PAPLN: variants seen among roughly 807,000 people sequenced by gnomAD.
PAPLN encodes papilin, proteoglycan like sulfated glycoprotein, also known as papilin.
Under a neutral mutation model 159.0 loss-of-function variants are expected in PAPLN, and 146 were observed. The ratio of observed to expected loss-of-function variants is 0.92; its 90% CI spans 0.80 to 1.05. The LOEUF (loss-of-function observed/expected upper bound fraction) is 1.05, where lower values mean the gene tolerates loss of function less well. PAPLN is among the 50% of genes least tolerant of loss of function. The pLI, the probability that PAPLN is intolerant of heterozygous loss-of-function variation, is 0.00. For synonymous variants in PAPLN, 734 were observed against 702.9 expected (o/e 1.04, Z -0.70); for missense variants, 1,720 against 1,743.9 (o/e 0.99, Z 0.24).
At chr14:73,271,535 T>A (rs1387333320) in intron 26 of PAPLN, among the ~76,000 whole-genome samples, 2 of 151,564 alleles carry the variant, frequency 1.3e-5, no homozygotes, top group African/African-American at 4.9e-5. Flanking sequence ...AGAATCTTGC[T>A]CTGTCACCCA....
intron 13 of PAPLN, 28 bp from the exon 14 acceptor site, chr14:73,254,847 ATC>A (rs745903346): frequency 3.1e-4 from 491 of 1,606,386 alleles, no homozygotes; most frequent in Non-Finnish European, 3.8e-4. Flanking sequence ...CGCCCTCAGC[ATC>A]TCTCTCTCTC....
At position 73,264,635 on chromosome 14, in the gene PAPLN, C is replaced by G; in HGVS notation, c.3034C>G (p.Gln1012Glu). 1.2e-6 allele frequency: 2 copies of G among 1,603,644 alleles called. No homozygotes were observed. Among genetic ancestry groups the G allele is most frequent in the Non-Finnish European group, 1.7e-6 (2 of 1,177,450 alleles). Residue 1012 changes from glutamine to glutamate, a missense_variant, in exon 22 of 27, where the codon CAG becomes GAG. By Grantham distance (29) the Gln-to-Glu change is conservative. Transcript: ENST00000644200. ...TGAGGCTGAGCTGAGCCGCTTCCCTCAGCCCAGGGACCCAGCTCAGGACTT... is the reference window on the plus strand; with the variant it reads ...TGAGGCTGAGCTGAGCCGCTTCCCTGAGCCCAGGGACCCAGCTCAGGACTT... ...LSEAELSRFP[Q>E]PRDPAQDFGQ...
In PAPLN at chr14:73,245,923, T is replaced by G. The variant is rs1280454787; in HGVS notation, c.232-150T>G. Reference sequence around the variant, plus strand: ...CACCATGGAGGGGCACGCACAGGAGTTCGGGGGTCCGGGGGGCGGACTCCA... The same window carrying G: ...CACCATGGAGGGGCACGCACAGGAGGTCGGGGGTCCGGGGGGCGGACTCCA... On this transcript the variant is annotated intron_variant, in intron 4 of 26. Coordinates refer to ENST00000644200, the MANE Select transcript of PAPLN (RefSeq NM_001365906.3). This position sits in a 1 kb window ranked among gnomAD's most constrained non-coding sequence, Gnocchi z 4.2. 1 of 902,490 alleles carries G rather than the reference T, an allele frequency of 1.1e-6. No individual in the cohort carries two copies. Among genetic ancestry groups the G allele is most frequent in the East Asian group, 2.8e-5 (1 of 36,036 alleles). The allele number at this position is 902,490 out of a possible 1,614,324, so 55.9% of individuals were successfully genotyped here.
chr14:73,268,721 C>G lies in PAPLN; in HGVS notation c.3665C>G (p.Pro1222Arg). 6.2e-7 allele frequency: 1 copy of G among 1,609,128 alleles called. No individual in the cohort carries two copies. The highest frequency in any genetic ancestry group is 1.1e-5 in the South Asian group (1 of 90,300). Residue 1222 changes from proline to arginine, a missense_variant and splice_region_variant, in exon 26 of 27, where the codon CCA (proline) becomes CGA (arginine). Transcript: ENST00000644200. ...AGCACCGAGGTGAAGGTGGTCTCAC[C>G]AGGTAGGAAAGGTCTATATCCGGGG... Reference protein sequence around the residue: ...SRSTEVKVVSPAPTAQPRDPG... With the variant: ...SRSTEVKVVSRAPTAQPRDPG...
Position 73,239,738 on chromosome 14 carries a change from C to A in PAPLN, c.-6-35C>A, listed in dbSNP as rs548417936. 17 of 1,544,630 alleles carry A rather than the reference C, an allele frequency of 1.1e-5. No homozygotes were observed. In the East Asian group the frequency reaches 3.6e-4, roughly 33 times the overall value. ...CCCGCGCCCAGGACAGCTGCGGGAG[C>A]CCCGGGCCGCTCTAACCCAATGCGT... On this transcript the variant is annotated intron_variant, in intron 1 of 26. Coordinates refer to ENST00000644200, the MANE Select transcript of PAPLN (RefSeq NM_001365906.3).
In PAPLN at chr14:73,265,108, T is replaced by G. The variant is rs1594828990; in HGVS notation, c.3126-262T>G. ...AGTGGCAAATGTGCAGGGTGGGGGG[T>G]GACAGATGGGGATCCTGGCTGGTGG... is the stretch of plus-strand genomic sequence containing the variant. On this transcript the variant is annotated intron_variant, in intron 22 of 26. Transcript: ENST00000644200. This position sits in a 1 kb window ranked among gnomAD's most constrained non-coding sequence, Gnocchi z 4.1. Among the ~76,000 whole-genome samples, 1 of 147,200 alleles carries G rather than the reference T, an allele frequency of 6.8e-6. No homozygotes were observed. Among genetic ancestry groups the G allele is most frequent in the Non-Finnish European group, 1.5e-5 (1 of 66,902 alleles).
chr14:73,273,782 G>A lies in PAPLN; in HGVS notation c.*1118G>A, dbSNP rs1485255967. On this transcript the variant is annotated 3_prime_UTR_variant, in exon 27 of 27. Coordinates refer to ENST00000644200, the MANE Select transcript of PAPLN (RefSeq NM_001365906.3). ...CTAGTCTCTCTCACCCTTCTAGGCA[G>A]TGCATCAGTCAGCTCTAAATCTGGT... 3 of 152,240 alleles carry A rather than the reference G, an allele frequency of 2.0e-5. No individual in the cohort carries two copies. Among genetic ancestry groups the A allele is most frequent in the Non-Finnish European group, 4.4e-5 (3 of 68,046 alleles). 9.4% of individuals were successfully genotyped at this position (152,240 alleles called of 1,614,324 possible).
Position 73,260,812 on chromosome 14 carries a change from A to G in PAPLN, c.2089A>G (p.Arg697Gly), listed in dbSNP as rs758877548. 162 of 1,494,898 alleles carry G rather than the reference A, an allele frequency of 1.1e-4. No homozygotes were observed. Among genetic ancestry groups the G allele is most frequent in the Non-Finnish European group, 1.4e-4 (162 of 1,124,784 alleles). 92.6% of individuals were successfully genotyped at this position (1,494,898 alleles called of 1,614,324 possible). ...CAGCACCGGGGGCATGCCCAGGTCAAGGGCAGTGGCTTCTACAGTAAGTGT... is the reference window on the plus strand; with the variant it reads ...CAGCACCGGGGGCATGCCCAGGTCAGGGGCAGTGGCTTCTACAGTAAGTGT... ...GDSTGGMPRS[R>G]AVASTVHNTH... is the part of the protein sequence containing the mutation. Residue 697 changes from arginine to glycine, a missense_variant, in exon 17 of 27, where the codon AGG (arginine) becomes GGG (glycine). Physicochemically the swap from Arg to Gly is moderately radical, Grantham distance 125. Transcript: ENST00000644200.
At chr14:73,252,975 T>C (rs1885469267) in intron 11 of PAPLN, among the ~76,000 whole-genome samples, 200 bp downstream of exon 11, 1 of 152,180 alleles carries the variant, frequency 6.6e-6, no homozygotes, top group Non-Finnish European at 1.5e-5. Context: ...CTGGTCTCTC[T>C]GCTCTCCTGT....
At position 73,251,775 on chromosome 14, in the gene PAPLN, G is replaced by A. The variant is rs1433536565; in HGVS notation, c.782G>A (p.Gly261Glu). Residue 261 changes from glycine to glutamate, a missense_variant, in exon 9 of 27, where the codon GGG (glycine) becomes GAG (glutamate). Transcript: ENST00000644200. Reference protein sequence around the residue: ...TILHYERGAEGDLAPERLHAR... With the variant: ...TILHYERGAEEDLAPERLHAR... ...CTGCATTACGAGCGGGGTGCTGAGG[G>A]GGACCTGGCCCCTGAGCGACTCCAT... 1.3e-5 allele frequency: 21 copies of A among 1,611,000 alleles called. No individual in the cohort carries two copies. Among genetic ancestry groups the A allele is most frequent in the Middle Eastern group, 1.7e-4 (1 of 6,044 alleles).
chr14:73,264,585 C>A lies in PAPLN; in HGVS notation c.2987-3C>A. The A allele has an allele frequency of 6.3e-7, 1 of 1,596,320 alleles. No homozygotes were observed. The highest frequency in any genetic ancestry group is 8.5e-7 in the Non-Finnish European group (1 of 1,174,886). Reference sequence around the variant, plus strand: ...CACCTTGTTTCTCCTGGCCTCATGACAGGGGGTGACATGGCCGTGCTGTCT... The same window carrying A: ...CACCTTGTTTCTCCTGGCCTCATGAAAGGGGGTGACATGGCCGTGCTGTCT... On this transcript the variant is annotated splice_polypyrimidine_tract_variant and splice_region_variant and intron_variant, in intron 21 of 26. Coordinates refer to ENST00000644200, the MANE Select transcript of PAPLN (RefSeq NM_001365906.3).
At position 73,272,676 on chromosome 14, in the gene PAPLN, A is replaced by G. The variant is rs1887847141; in HGVS notation, c.*12A>G. ...CCATCTGGCAGTAGGGATGAAGGCT[A>G]GTTCCAGCCCCAGTCCAAAATAGTT... On this transcript the variant is annotated 3_prime_UTR_variant, in exon 27 of 27. Transcript: ENST00000644200. 1 of 1,553,102 alleles carries G rather than the reference A, an allele frequency of 6.4e-7. No individual in the cohort carries two copies. The highest frequency in any genetic ancestry group is 8.8e-7 in the Non-Finnish European group (1 of 1,137,304).
rs370584236 is a variant in PAPLN at position 73,260,797 on chromosome 14, G to A, written c.2074G>A (p.Gly692Ser). 10 of 1,494,132 alleles carry A rather than the reference G, an allele frequency of 6.7e-6. No individual in the cohort carries two copies. In the South Asian group the frequency reaches 8.4e-5, roughly 13 times the overall value. The allele number at this position is 1,494,132 out of a possible 1,614,324, so 92.6% of individuals were successfully genotyped here. A position where few individuals can be genotyped will look rare whatever the true frequency, so the allele number is the denominator to read the frequency against. ...GTCGTATGGTGGTGACAGCACCGGG[G>A]GCATGCCCAGGTCAAGGGCAGTGGC... The part of the protein sequence containing the change: ...TKSYGGDSTG[G>S]MPRSRAVAST... Residue 692 changes from glycine to serine, a missense_variant, in exon 17 of 27, where the codon GGC becomes AGC. Physicochemically the swap from Gly to Ser is moderately conservative, Grantham distance 56 (BLOSUM62 0). Transcript: ENST00000644200.
chr14:73,265,488 C>A lies in PAPLN; in HGVS notation c.3244C>A (p.Gln1082Lys). The A allele has an allele frequency of 1.2e-6, 2 of 1,613,872 alleles. No individual in the cohort carries two copies. The highest frequency in any genetic ancestry group is 1.7e-6 in the Non-Finnish European group (2 of 1,179,974). Residue 1082 changes from glutamine (Q) to lysine (K), a missense_variant, in exon 23 of 27, where the codon CAG (glutamine) becomes AAG (lysine). Coordinates refer to ENST00000644200, the MANE Select transcript of PAPLN (RefSeq NM_001365906.3). This position sits in a 1 kb window ranked among gnomAD's most constrained non-coding sequence, Gnocchi z 4.1. ...PPAIEWQRDG[Q>K]PVSSPRHQLQ... The stretch of plus-strand genomic sequence containing the variant: ...AGCCATCGAGTGGCAGAGAGATGGG[C>A]AGCCTGTCTCTTCTCCCAGGTTTAT...
At chr14:73,241,792 C>T (rs1883572406) in intron 2 of PAPLN, among the ~76,000 whole-genome samples, 2 of 152,258 alleles carry the variant, frequency 1.3e-5, no homozygotes, top group South Asian at 2.1e-4. Context: ...ATAAAGGTGG[C>T]GGCCTGCGTG....
intron 2 of PAPLN, chr14:73,242,606 C>G (rs1883703086): frequency 6.6e-6 from 1 of 152,222 alleles, no homozygotes; most frequent in Admixed American, 6.5e-5. Flanking sequence ...ACCCTTCACG[C>G]TCAACACTCA....
chr14:73,261,061 GC>G (rs1886520391), intron 17 of PAPLN, 94 bp from the exon 18 acceptor site: 1 of 1,595,474 alleles, frequency 6.3e-7, no homozygotes, highest in South Asian at 1.1e-5. Flanking sequence ...TGGGGTTCTG[GC>G]CCCTCCTTCC....
rs1034328082 is a variant in PAPLN at position 73,250,469 on chromosome 14, C to T, written c.465+355C>T. Among the ~76,000 whole-genome samples, 6 of 152,328 alleles carry T rather than the reference C, an allele frequency of 3.9e-5. No homozygotes were observed. The East Asian group carries it at 1.2e-3, about 29-fold the overall frequency. On this transcript the variant is annotated intron_variant, in intron 6 of 26. Transcript: ENST00000644200. Reference sequence around the variant, plus strand: ...GTCCAGCATCAGGATCTGGCCCATTCTTCCCAGGAGGTGTGGAGGTGGCCG... The same window carrying T: ...GTCCAGCATCAGGATCTGGCCCATTTTTCCCAGGAGGTGTGGAGGTGGCCG...
Position 73,261,191 on chromosome 14 carries a change from T to C in PAPLN, c.2142T>C (p.Asn714=), listed in dbSNP as rs763249116. 2.0e-5 allele frequency: 32 copies of C among 1,613,984 alleles called. No individual in the cohort carries two copies. The highest frequency in any genetic ancestry group is 2.5e-5 in the Non-Finnish European group (29 of 1,180,038). The change falls in exon 18 of 27, where the codon AAT becomes AAC. Residue 714 remains asparagine, a synonymous_variant. Coordinates refer to ENST00000644200, the MANE Select transcript of PAPLN (RefSeq NM_001365906.3). ...CCCACCAGCCCCAGGCCCAGCAGAA[T>C]GAGCCCAGTGAGTGCCGGGGCTCCC... ...HNTHQPQAQQ[N]EPSECRGSQF...
Sources: gnomAD v4.1 joint callset for allele counts (sites outside exome capture counted in the v4.1 genomes callset) on GRCh38, gnomAD v4.1.1 for gene constraint, Gnocchi (gnomAD v3.1) non-coding constraint, MANE v1.5 for transcripts, NCBI Gene and HGNC (gene_info 2026-07-23, HGNC 2026-07-21) for gene names.